The following TMBIM4 variants were observed in gnomAD, a reference collection of about 807,000 sequenced individuals.
TMBIM4 encodes the protein protein lifeguard 4.
TMBIM4 carries 28 observed loss-of-function variants against 27.7 expected under a neutral mutation model. The observed-to-expected ratio is 1.01, with a 90% CI of 0.75 to 1.38. TMBIM4 has a LOEUF of 1.38. TMBIM4 is among the 40% of genes most tolerant of loss of function. The pLI, the probability that TMBIM4 is intolerant of heterozygous loss-of-function variation, is 0.00. For missense variants in TMBIM4, 265 were observed against 277.5 expected, an observed-to-expected ratio of 0.95 and a Z score of 0.32; for synonymous variants, 115 against 113.1, an observed-to-expected ratio of 1.02 and a Z score of -0.11.
intron 1 of TMBIM4, among the ~76,000 whole-genome samples, chr12:66,164,883 T>A (rs1056607268): frequency 1.3e-5 from 2 of 152,112 alleles, no homozygotes; most frequent in Non-Finnish European, 2.9e-5. Context: ...TCAGCAAAGA[T>A]TCAAGATACA....
intron 1 of TMBIM4, among the ~76,000 whole-genome samples, chr12:66,158,206 A>G (rs1002450717): frequency 6.9e-6 from 1 of 145,538 alleles, no homozygotes; most frequent in Non-Finnish European, 1.5e-5. Flanking sequence ...AGCCTGGGCG[A>G]CAGAGTGAGA....
intron 5 of TMBIM4, chr12:66,144,625 T>C (rs1470321374): frequency 6.6e-6 from 1 of 152,116 alleles, no homozygotes; most frequent in Non-Finnish European, 1.5e-5. Context: ...AATCCAATAG[T>C]TTTCCCAGAT....
intron 1 of TMBIM4, among the ~76,000 whole-genome samples, chr12:66,167,593 GAAAGA>G (rs2052153182): frequency 6.6e-6 from 1 of 152,266 alleles, no homozygotes; most frequent in South Asian, 2.1e-4. Context: ...ATTTTAAAAA[GAAAGA>G]AAAGAACGGA....
At chr12:66,150,746 A>G (rs1473737852) in intron 3 of TMBIM4, among the ~76,000 whole-genome samples, 1 of 152,208 alleles carries the variant, frequency 6.6e-6, no homozygotes, top group South Asian at 2.1e-4. Flanking sequence ...ATCTGAACTC[A>G]GAGATTGAAG....
chr12:66,169,401 G>A (rs892908984), intron 1 of TMBIM4: 5 of 584,010 alleles, frequency 8.6e-6, no homozygotes, highest in African/African-American at 5.8e-5. Context: ...CCTAGCACAG[G>A]ACGGTAAATA....
intron 5 of TMBIM4, chr12:66,144,863 T>A (rs1022212171): frequency 2.0e-5 from 3 of 152,100 alleles, no homozygotes; most frequent in African/African-American, 4.8e-5. Context: ...TTTCTATCAA[T>A]CAATGTAAAT....
intron 5 of TMBIM4, among the ~76,000 whole-genome samples, chr12:66,142,495 T>C (rs1455368156): frequency 6.6e-6 from 1 of 151,392 alleles, no homozygotes; most frequent in Non-Finnish European, 1.5e-5. Context: ...TTTACAGTAA[T>C]AACAGTAGTA....
At chr12:66,151,872 T>C (rs926520295) in intron 3 of TMBIM4, among the ~76,000 whole-genome samples, 4 of 152,210 alleles carry the variant, frequency 2.6e-5, no homozygotes, top group African/African-American at 9.6e-5. Flanking sequence ...ATTTGAATTT[T>C]ATGAAATTAA....
chr12:66,138,816 A>C (rs762183145), intron 5 of TMBIM4, 47 bp from the exon 6 acceptor site: 11 of 1,441,094 alleles, frequency 7.6e-6, no homozygotes, highest in Non-Finnish European at 8.2e-6. Context: ...TCCTTACAAA[A>C]AAACTTTGTA....
At chr12:66,152,181 G>A (rs1307718841) in intron 3 of TMBIM4, 90 bp downstream of exon 3, 4 of 584,436 alleles carry the variant, frequency 6.8e-6, no homozygotes, top group Non-Finnish European at 8.1e-6. Context: ...CATTAATTTT[G>A]TTCTGCCGTT....
At chr12:66,166,118 T>C (rs1389274320) in intron 1 of TMBIM4, among the ~76,000 whole-genome samples, 1 of 152,226 alleles carries the variant, frequency 6.6e-6, no homozygotes, top group Admixed American at 6.5e-5. Flanking sequence ...TTCATTCTTT[T>C]GAATGTGGAT....
At chr12:66,157,037 C>CT (rs1302663371) in intron 1 of TMBIM4, among the ~76,000 whole-genome samples, 1 of 152,134 alleles carries the variant, frequency 6.6e-6, no homozygotes, top group Non-Finnish European at 1.5e-5. Context: ...CTTCTAGGTA[C>CT]TTTTTTCCTA....
Position 66,159,728 on chromosome 12 carries a change from C to T in TMBIM4, c.98-6280G>A, listed in dbSNP as rs946122541. ...TAACTAAAATAGCTGCCACCCTAAA[C>T]GCTAGTTTCTACTCACACCTGTTTC... On this transcript the variant is annotated intron_variant, in intron 1 of 6. Transcript: ENST00000358230. Among the ~76,000 whole-genome samples, 7 of 152,310 alleles carry T rather than the reference C, an allele frequency of 4.6e-5. No individual in the cohort carries two copies. The South Asian group carries it at 8.3e-4, about 18-fold the overall frequency.
chr12:66,158,091 T>C (rs931943903), intron 1 of TMBIM4, among the ~76,000 whole-genome samples: 1 of 151,660 alleles, frequency 6.6e-6, no homozygotes, highest in Non-Finnish European at 1.5e-5. Flanking sequence ...CTGGGCGTGG[T>C]GGCGGGCGCC....
chr12:66,143,180 G>C (rs1018460001), intron 5 of TMBIM4, among the ~76,000 whole-genome samples: 10 of 152,294 alleles, frequency 6.6e-5, no homozygotes, highest in Admixed American at 1.3e-4. Context: ...TTCTGCCTAA[G>C]TTGTTAGTTC....
chr12:66,160,414 G>T (rs1469323515), intron 1 of TMBIM4: 1 of 563,848 alleles, frequency 1.8e-6, no homozygotes, highest in African/African-American at 1.9e-5. Flanking sequence ...AGATATAAAA[G>T]GATGTTCCCT....
At chr12:66,159,753 C>G (rs974736510) in intron 1 of TMBIM4, among the ~76,000 whole-genome samples, 6 of 152,180 alleles carry the variant, frequency 3.9e-5, no homozygotes, top group African/African-American at 1.4e-4. Flanking sequence ...ACACCTGTTT[C>G]TTTTCTTCAG....
chr12:66,167,006 C>G (rs940860456), intron 1 of TMBIM4, among the ~76,000 whole-genome samples: 1 of 152,096 alleles, frequency 6.6e-6, no homozygotes, highest in Admixed American at 6.5e-5. Context: ...AAACCTTAAA[C>G]GCATATTATA....
In TMBIM4 at chr12:66,152,288, A is replaced by C; in HGVS notation, c.295T>G (p.Tyr99Asp). Residue 99 changes from tyrosine (Y) to aspartate (D), a missense_variant, in exon 3 of 7, where the codon TAC becomes GAC. Coordinates refer to ENST00000358230, the MANE Select transcript of TMBIM4 (RefSeq NM_016056.4). The part of the protein sequence containing the change: ...LNRHKYPLNL[Y>D]LLFGFTLLEA... Reference sequence around the variant, plus strand: ...GTACTCACAAATCCAAAAAGTAGGTACAGGTTAAGGGGATACTTATGTCTG... The same window carrying C: ...GTACTCACAAATCCAAAAAGTAGGTCCAGGTTAAGGGGATACTTATGTCTG... The C allele has an allele frequency of 6.3e-7, 1 of 1,593,136 alleles. No individual in the cohort carries two copies.
Sources: gnomAD v4.1 joint callset for allele counts (sites outside exome capture counted in the v4.1 genomes callset) on GRCh38, gnomAD v4.1.1 for gene constraint, MANE v1.5 for transcripts, NCBI Gene and HGNC (gene_info 2026-07-23, HGNC 2026-07-21) for gene names.